The following PCDHA1 variants were observed in gnomAD, a reference collection of about 807,000 sequenced individuals.
PCDHA1 encodes protocadherin alpha-1.
In PCDHA1, 42 loss-of-function variants were observed where a neutral mutation model predicts 61.3. That is an observed-to-expected ratio of 0.69 (90% CI 0.54 to 0.89). The LOEUF is 0.89. PCDHA1 is among the 40% of genes least tolerant of loss of function. The pLI is 0.00. For missense variants in PCDHA1, 1,256 were observed against 1,235.3 expected (o/e 1.02, Z -0.25); for synonymous variants, 610 against 553.8 (o/e 1.10, Z -1.43).
At chr5:140,821,913 C>T (rs1767111561) in intron 1 of PCDHA1, 1 of 1,614,128 alleles carries the variant, frequency 6.2e-7, no homozygotes, top group African/African-American at 1.3e-5. Context: ...TCGTTGGCCG[C>T]ATCGCGCAGG....
rs565339027 is a variant in PCDHA1, at chr5:141,010,492, C to G, written c.*555C>G. ...AGGGGAAGTGTAAACTTAAAGGGAC[C>G]AGACTTTCTAAATCTTACAACTCAA... On this transcript the variant is annotated 3_prime_UTR_variant, in exon 4 of 4. Transcript: ENST00000504120. 28 of 628,626 alleles carry G rather than the reference C, an allele frequency of 4.5e-5. No homozygotes were observed. Among genetic ancestry groups the G allele is most frequent in the Admixed American group, 1.7e-4 (5 of 29,282 alleles). 38.9% of individuals were successfully genotyped at this position (628,626 alleles called of 1,614,324 possible).
chr5:140,815,438 A>T (rs1765726123), intron 1 of PCDHA1: 1 of 152,134 alleles, frequency 6.6e-6, no homozygotes, highest in African/African-American at 2.4e-5. Flanking sequence ...TAGCATCTTT[A>T]CTACAATCAC....
At chr5:140,800,177 G>GA (rs1762518620) in intron 1 of PCDHA1, among the ~76,000 whole-genome samples, 1 of 151,986 alleles carries the variant, frequency 6.6e-6, no homozygotes, top group Non-Finnish European at 1.5e-5. Context: ...AAAGAGTGTG[G>GA]AAAAATTAAA....
intron 1 of PCDHA1, chr5:140,927,681 G>A: frequency 6.2e-7 from 1 of 1,614,180 alleles, no homozygotes; most frequent in Non-Finnish European, 8.5e-7. Flanking sequence ...CAGATGAAGG[G>A]TCCAATGGGG....
chr5:140,800,524 T>A (rs1762566328), intron 1 of PCDHA1, among the ~76,000 whole-genome samples: 1 of 152,230 alleles, frequency 6.6e-6, no homozygotes. Flanking sequence ...GTTTTGATGA[T>A]CATAAATCTG....
intron 1 of PCDHA1, among the ~76,000 whole-genome samples, chr5:140,855,023 G>A (rs115040572): frequency 1.3e-5 from 2 of 149,492 alleles, no homozygotes; most frequent in South Asian, 2.1e-4. Flanking sequence ...GAAACTTCTT[G>A]TATAAAGGAT....
intron 1 of PCDHA1, among the ~76,000 whole-genome samples, chr5:140,945,046 A>G (rs2093731107): frequency 2.0e-5 from 3 of 152,190 alleles, no homozygotes; most frequent in Non-Finnish European, 2.9e-5. Flanking sequence ...TTGGTCTTAT[A>G]TAAAGAAAAC....
At chr5:140,954,520 A>G (rs1554221455) in intron 1 of PCDHA1, among the ~76,000 whole-genome samples, 1 of 152,192 alleles carries the variant, frequency 6.6e-6, no homozygotes, top group Admixed American at 6.6e-5. Context: ...CCTAATGATC[A>G]GTGATGTTGA....
intron 1 of PCDHA1, chr5:140,812,930 T>G (rs2126642721): frequency 6.6e-6 from 1 of 152,264 alleles, no homozygotes; most frequent in African/African-American, 2.4e-5. Context: ...GTTTAATTTC[T>G]ACATATTTGC....
intron 1 of PCDHA1, chr5:140,812,368 CT>C (rs1173374807): frequency 6.6e-6 from 1 of 151,724 alleles, no homozygotes; most frequent in Non-Finnish European, 1.5e-5. Flanking sequence ...GACTTCCAGT[CT>C]TTTTGTTTTT....
At chr5:140,846,239 T>G (rs1183572722) in intron 1 of PCDHA1, among the ~76,000 whole-genome samples, 1 of 149,652 alleles carries the variant, frequency 6.7e-6, no homozygotes, top group Non-Finnish European at 1.5e-5. Flanking sequence ...TAAAAAGAAG[T>G]ATACAATAAT....
chr5:140,917,042 G>A (rs73793522), intron 1 of PCDHA1, among the ~76,000 whole-genome samples: 8,683 of 152,228 alleles, frequency 0.057, 736 homozygotes, highest in African/African-American at 0.19. Flanking sequence ...GTCCAGCACA[G>A]TGTTGTTCCC....
intron 1 of PCDHA1, chr5:140,881,501 C>A (rs782000314): frequency 3.3e-4 from 82 of 248,870 alleles, no homozygotes; most frequent in Non-Finnish European, 4.9e-4. Context: ...CACATACACA[C>A]ACTCACATAC....
intron 1 of PCDHA1, among the ~76,000 whole-genome samples, chr5:140,920,671 C>T (rs1218067284): frequency 2.0e-5 from 3 of 151,960 alleles, no homozygotes; most frequent in African/African-American, 7.3e-5. Flanking sequence ...TGGTGAAACC[C>T]CATCTCTACT....
At chr5:140,858,422 G>C in intron 1 of PCDHA1, 3 of 1,554,774 alleles carry the variant, frequency 1.9e-6, no homozygotes, top group Non-Finnish European at 2.6e-6. Flanking sequence ...TATTGGAGGG[G>C]ACCACTCTAG....
chr5:140,926,713 C>T (rs1018008271), intron 1 of PCDHA1: 2 of 944,684 alleles, frequency 2.1e-6, no homozygotes, highest in Non-Finnish European at 2.9e-6. Context: ...CTGGCCAGCC[C>T]CGGCAATGCC....
At position 140,787,017 on chromosome 5, in the gene PCDHA1, G is replaced by A; in HGVS notation, c.727G>A (p.Asp243Asn). 1 of 1,614,144 alleles carries A rather than the reference G, an allele frequency of 6.2e-7. No homozygotes were observed. The highest frequency in any genetic ancestry group is 8.5e-7 in the Non-Finnish European group (1 of 1,180,008). ...CGTTAATGATAACGCCCCACTGTTTGACCAGGCCGTATACAGAGTCCACTT... is the reference window on the plus strand; with the variant it reads ...CGTTAATGATAACGCCCCACTGTTTAACCAGGCCGTATACAGAGTCCACTT... Reference protein sequence around the residue: ...LDVNDNAPLFDQAVYRVHLLE... With the variant: ...LDVNDNAPLFNQAVYRVHLLE... The change falls in exon 1 of 4, where the codon GAC becomes AAC. Residue 243 changes from aspartate to asparagine, a missense_variant. Physicochemically the swap from Asp to Asn is conservative, Grantham distance 23 (BLOSUM62 1). Coordinates refer to ENST00000504120, the MANE Select transcript of PCDHA1 (RefSeq NM_018900.4).
chr5:140,871,004 G>A, intron 1 of PCDHA1: 1 of 1,613,408 alleles, frequency 6.2e-7, no homozygotes, highest in Non-Finnish European at 8.5e-7. Context: ...AGCACAACGC[G>A]TGCCCTGGAC....
intron 3 of PCDHA1, among the ~76,000 whole-genome samples, chr5:140,998,057 A>G (rs2097795221): frequency 1.3e-5 from 2 of 152,294 alleles, no homozygotes; most frequent in South Asian, 4.1e-4. Flanking sequence ...TGACATCATC[A>G]TCAACAGACT....
Sources: gnomAD v4.1 joint callset for allele counts (sites outside exome capture counted in the v4.1 genomes callset) on GRCh38, gnomAD v4.1.1 for gene constraint, MANE v1.5 for transcripts, NCBI Gene and HGNC (gene_info 2026-07-23, HGNC 2026-07-21) for gene names.